ICA1: variants seen among roughly 807,000 people sequenced by gnomAD.
ICA1 encodes islet cell autoantigen 1.
Under a neutral mutation model 71.0 loss-of-function variants are expected in ICA1, and 40 were observed. The ratio of observed to expected loss-of-function variants is 0.56; its 90% CI spans 0.44 to 0.73. The LOEUF is 0.73. ICA1 is among the 30% of genes least tolerant of loss of function. The pLI, the probability that ICA1 is intolerant of heterozygous loss-of-function variation, is 0.00. For missense variants in ICA1, 578 were observed against 576.5 expected (o/e 1.00, Z -0.03); for synonymous variants, 207 against 209.5 (o/e 0.99, Z 0.10).
intron 8 of ICA1, among the ~76,000 whole-genome samples, chr7:8,151,996 CA>C (rs572349609): frequency 1.0e-3 from 155 of 152,288 alleles, no homozygotes; most frequent in Non-Finnish European, 2.1e-3. Context: ...GTTGTAAAGC[CA>C]AATTGCATTT....
At chr7:8,149,441 G>A (rs1798080605) in intron 8 of ICA1, among the ~76,000 whole-genome samples, 1 of 152,204 alleles carries the variant, frequency 6.6e-6, no homozygotes, top group South Asian at 2.1e-4. Context: ...CACACACACA[G>A]TAGTATGTAA....
chr7:8,213,524 C>T (rs1794491152), intron 6 of ICA1, among the ~76,000 whole-genome samples: 2 of 152,220 alleles, frequency 1.3e-5, no homozygotes, highest in African/African-American at 4.8e-5. Context: ...GTCCTACAGC[C>T]TGAGATGGTT....
chr7:8,161,036 T>C (rs148218498), intron 6 of ICA1, among the ~76,000 whole-genome samples: 42 of 152,364 alleles, frequency 2.8e-4, no homozygotes, highest in Non-Finnish European at 4.1e-4. Flanking sequence ...GAAAGGCATC[T>C]GTCTTCAGCC....
intron 13 of ICA1, among the ~76,000 whole-genome samples, chr7:8,124,118 T>A (rs1788097607): frequency 7.1e-6 from 1 of 141,168 alleles, no homozygotes; most frequent in Admixed American, 7.0e-5. Context: ...ACAATTTTTT[T>A]TTTTTTTTTT....
At chr7:8,198,316 T>C (rs1788391134) in intron 6 of ICA1, among the ~76,000 whole-genome samples, 1 of 152,194 alleles carries the variant, frequency 6.6e-6, no homozygotes, top group Non-Finnish European at 1.5e-5. Context: ...GAGGAGACAA[T>C]ATGAGCAAAG....
chr7:8,240,614 C>T (rs972451260), intron 1 of ICA1, among the ~76,000 whole-genome samples: 12 of 152,018 alleles, frequency 7.9e-5, no homozygotes, highest in Admixed American at 3.3e-4. Flanking sequence ...CAAACTTCTC[C>T]GAGCTAAAGG....
At chr7:8,260,172 T>C (rs1167839652) in intron 1 of ICA1, among the ~76,000 whole-genome samples, 1 of 152,212 alleles carries the variant, frequency 6.6e-6, no homozygotes, top group African/African-American at 2.4e-5. Flanking sequence ...TTTATCCTTC[T>C]ACGTTATGGC....
At chr7:8,197,024 T>G (rs1374407681) in intron 6 of ICA1, among the ~76,000 whole-genome samples, 1 of 152,048 alleles carries the variant, frequency 6.6e-6, no homozygotes, top group Non-Finnish European at 1.5e-5. Context: ...CTTCTTCCCT[T>G]TACAAATTAC....
chr7:8,147,913 A>G (rs1198097492), intron 8 of ICA1, among the ~76,000 whole-genome samples: 2 of 152,086 alleles, frequency 1.3e-5, no homozygotes, highest in South Asian at 2.1e-4. Context: ...CCATGTCTGA[A>G]TGGGTTTTCT....
intron 12 of ICA1, among the ~76,000 whole-genome samples, chr7:8,134,171 G>A (rs767534678): frequency 2.0e-5 from 3 of 152,160 alleles, no homozygotes; most frequent in Non-Finnish European, 4.4e-5. Context: ...AGGCTGAGAT[G>A]ACAGATCCAT....
In ICA1 at chr7:8,222,720, T is replaced by C. The variant is rs1797492201; in HGVS notation, c.257-1322A>G. ...CTGAGAGATAAATGATGACCCTGCT[T>C]CTCTTCTGTCTCTCAAAAATCAAGT... On this transcript the variant is annotated intron_variant, in intron 4 of 13. Transcript: ENST00000402384. This position sits in a 1 kb window ranked among gnomAD's most constrained non-coding sequence, Gnocchi z 4.8. 6.6e-6 allele frequency among the ~76,000 whole-genome samples: 1 copy of C among 152,218 alleles called. No homozygotes were observed. Among genetic ancestry groups the C allele is most frequent in the South Asian group, 2.1e-4 (1 of 4,832 alleles).
Position 8,234,011 on chromosome 7 carries a change from C to G in ICA1, c.18-1256G>C, listed in dbSNP as rs547590545. Among the ~76,000 whole-genome samples the G allele has an allele frequency of 6.6e-6, 1 of 152,174 alleles. No individual in the cohort carries two copies. Among genetic ancestry groups the G allele is most frequent in the African/African-American group, 2.4e-5 (1 of 41,526 alleles). On this transcript the variant is annotated intron_variant, in intron 2 of 13. Coordinates refer to ENST00000402384, the MANE Select transcript of ICA1 (RefSeq NM_001136020.3). This position sits in a 1 kb window ranked among gnomAD's most constrained non-coding sequence, Gnocchi z 4.5. ...GCCCAGGCAGGAGGACTGCTTGAGG[C>G]CAGGAGTTTCAGATCAGCCTGGGCA...
intron 8 of ICA1, among the ~76,000 whole-genome samples, chr7:8,149,838 G>GGTATGT (rs918197012): frequency 1.3e-5 from 2 of 152,104 alleles, no homozygotes; most frequent in Admixed American, 6.5e-5. Context: ...AATTCAGTTG[G>GGTATGT]GTATGTGTAT....
At chr7:8,239,638 C>T (rs1803074929) in intron 1 of ICA1, among the ~76,000 whole-genome samples, 1 of 152,214 alleles carries the variant, frequency 6.6e-6, no homozygotes, top group Non-Finnish European at 1.5e-5. Context: ...ATTTCCCTTT[C>T]CAAGCTGAGG....
At chr7:8,239,420 A>G (rs1392154223) in intron 1 of ICA1, among the ~76,000 whole-genome samples, 1 of 152,236 alleles carries the variant, frequency 6.6e-6, no homozygotes, top group Admixed American at 6.5e-5. Flanking sequence ...GAAATAGACT[A>G]TGAGCACATT....
intron 4 of ICA1, among the ~76,000 whole-genome samples, chr7:8,224,957 A>C (rs529255533): frequency 1.3e-5 from 2 of 152,360 alleles, no homozygotes; most frequent in African/African-American, 4.8e-5. Flanking sequence ...ATCAGAGGTT[A>C]CATGACATCA....
In ICA1 at chr7:8,209,179, G is replaced by C. The variant is rs77736023; in HGVS notation, c.579+9126C>G. Among the ~76,000 whole-genome samples, 38 of 152,326 alleles carry C rather than the reference G, an allele frequency of 2.5e-4. 1 individual carries two copies. Among genetic ancestry groups the C allele is most frequent in the African/African-American group, 8.9e-4 (37 of 41,564 alleles). ...CCAGAGTCCACTCTGAAACTCGAGA[G>C]TTAAGCAAGCTTTTCCCTTAAACAA... is the stretch of plus-strand genomic sequence containing the variant. On this transcript the variant is annotated intron_variant, in intron 6 of 13. Coordinates refer to ENST00000402384, the MANE Select transcript of ICA1 (RefSeq NM_001136020.3).
intron 6 of ICA1, among the ~76,000 whole-genome samples, chr7:8,187,875 T>C (rs960620785): frequency 2.0e-5 from 3 of 152,262 alleles, no homozygotes; most frequent in Non-Finnish European, 4.4e-5. Context: ...ATTGTTATCT[T>C]ATGGGACCAC....
intron 6 of ICA1, among the ~76,000 whole-genome samples, chr7:8,203,895 G>A (rs546571390): frequency 6.6e-6 from 1 of 151,880 alleles, no homozygotes; most frequent in South Asian, 2.1e-4. Flanking sequence ...GGGTCCCTGA[G>A]TTGAGCCTAC....
Sources: allele counts gnomAD v4.1 joint callset (sites outside exome capture counted in the v4.1 genomes callset), GRCh38; gene constraint gnomAD v4.1.1; non-coding constraint Gnocchi (gnomAD v3.1); transcripts MANE v1.5; gene names NCBI Gene and HGNC (gene_info 2026-07-23, HGNC 2026-07-21).